PHLDB2: variants seen among roughly 807,000 people sequenced by gnomAD.
PHLDB2 encodes the protein pleckstrin homology-like domain family B member 2.
In PHLDB2, 71 loss-of-function variants were observed where a neutral mutation model predicts 123.6. The ratio of observed to expected loss-of-function variants is 0.57; its 90% CI spans 0.47 to 0.70. The LOEUF is 0.70. PHLDB2 is among the 30% of genes least tolerant of loss of function. The pLI is 0.00. For synonymous variants in PHLDB2, 547 were observed against 541.6 expected (o/e 1.01, Z -0.14); for missense variants, 1,446 against 1,519.5 (o/e 0.95, Z 0.80).
intron 1 of PHLDB2, among the ~76,000 whole-genome samples, chr3:111,758,256 C>T (rs933645999): frequency 1.3e-5 from 2 of 152,180 alleles, no homozygotes; most frequent in Admixed American, 1.3e-4. Flanking sequence ...GTGGGCTCCA[C>T]CCAGTTCGAG....
intron 3 of PHLDB2, 96 bp downstream of exon 3, chr3:111,913,798 A>C: frequency 7.2e-7 from 1 of 1,395,780 alleles, no homozygotes; most frequent in Middle Eastern, 1.9e-4. Flanking sequence ...CTAATTATCC[A>C]GGATGTTTTC....
intron 1 of PHLDB2, among the ~76,000 whole-genome samples, chr3:111,759,818 C>A (rs2059963526): frequency 6.6e-6 from 1 of 152,188 alleles, no homozygotes; most frequent in South Asian, 2.1e-4. Context: ...ATTTGAGTTT[C>A]TCTCTTTCCA....
At chr3:111,927,521 C>T (rs568787085) in intron 5 of PHLDB2, among the ~76,000 whole-genome samples, 17 of 152,240 alleles carry the variant, frequency 1.1e-4, no homozygotes, top group South Asian at 1.0e-3. Flanking sequence ...TTGGAAATTA[C>T]AAAAGTGGAT....
intron 1 of PHLDB2, among the ~76,000 whole-genome samples, chr3:111,841,769 T>C (rs2063710958): frequency 6.6e-6 from 1 of 152,202 alleles, no homozygotes; most frequent in African/African-American, 2.4e-5. Context: ...TATGAATGTG[T>C]TGATTCTGCA....
chr3:111,929,910 A>ATTT (rs34482002), intron 5 of PHLDB2, among the ~76,000 whole-genome samples: 3 of 123,052 alleles, frequency 2.4e-5, no homozygotes, highest in African/African-American at 5.7e-5. Flanking sequence ...TAAATATAAG[A>ATTT]TTTTTTTTTT....
intron 1 of PHLDB2, among the ~76,000 whole-genome samples, chr3:111,791,476 A>G (rs1435562091): frequency 1.3e-5 from 2 of 152,194 alleles, no homozygotes; most frequent in East Asian, 1.9e-4. Flanking sequence ...TGTATAGGCA[A>G]TTTGTCACGG....
At chr3:111,941,813 A>C (rs548254517) in intron 8 of PHLDB2, among the ~76,000 whole-genome samples, 2 of 118,580 alleles carry the variant, frequency 1.7e-5, no homozygotes, top group Non-Finnish European at 3.7e-5. Context: ...TCTCAAAAAA[A>C]CAAAACAAAA....
At chr3:111,764,612 T>C (rs2060048617) in intron 1 of PHLDB2, among the ~76,000 whole-genome samples, 2 of 152,220 alleles carry the variant, frequency 1.3e-5, no homozygotes. Context: ...ATCTTCAAGT[T>C]TCAATTTTCA....
chr3:111,906,441 A>C (rs1472641203), intron 2 of PHLDB2, among the ~76,000 whole-genome samples: 3 of 152,208 alleles, frequency 2.0e-5, no homozygotes, highest in Non-Finnish European at 4.4e-5. Flanking sequence ...TTCAGACCTA[A>C]GTGGTCTGGC....
intron 2 of PHLDB2, among the ~76,000 whole-genome samples, chr3:111,905,707 T>A (rs1328445168): frequency 6.6e-6 from 1 of 152,178 alleles, no homozygotes; most frequent in African/African-American, 2.4e-5. Context: ...AAGCTAGGGA[T>A]TCCTCAACAT....
intron 1 of PHLDB2, among the ~76,000 whole-genome samples, chr3:111,802,947 G>A (rs1212231700): frequency 2.6e-5 from 4 of 152,144 alleles, no homozygotes; most frequent in Admixed American, 2.0e-4. Flanking sequence ...ACTGGAAAAG[G>A]AAAAGCAGAA....
Position 111,945,321 on chromosome 3 carries a change from G to C in PHLDB2, c.2451G>C (p.Gly817=), listed in dbSNP as rs759910628. ...AGAAATACTCCAGCCTCTCTGGGGG[G>C]AAAGGGTTTCCCGTTAACCCCAATA... ...LEKKYSSLSG[G]KGFPVNPNTL... is the part of the protein sequence containing the mutation. The change falls in exon 9 of 18, where the codon GGG becomes GGC. Residue 817 remains glycine (G), a synonymous_variant. Coordinates refer to ENST00000431670, the MANE Select transcript of PHLDB2 (RefSeq NM_001134438.2). 1 of 1,610,652 alleles carries C rather than the reference G, an allele frequency of 6.2e-7. No individual in the cohort carries two copies. The highest frequency in any genetic ancestry group is 2.2e-5 in the East Asian group (1 of 44,846).
chr3:111,899,091 T>A (rs576772935), intron 2 of PHLDB2, among the ~76,000 whole-genome samples: 5 of 152,322 alleles, frequency 3.3e-5, no homozygotes, highest in Admixed American at 3.3e-4. Flanking sequence ...ATGGCAACTA[T>A]AGCCTTACAG....
At chr3:111,895,974 A>G (rs2066839250) in intron 2 of PHLDB2, among the ~76,000 whole-genome samples, 1 of 152,154 alleles carries the variant, frequency 6.6e-6, no homozygotes, top group African/African-American at 2.4e-5. Flanking sequence ...TTTGTTGTCA[A>G]ATTACTTAGT....
At chr3:111,955,817 T>G (rs1254934323) in intron 12 of PHLDB2, among the ~76,000 whole-genome samples, 1 of 152,176 alleles carries the variant, frequency 6.6e-6, no homozygotes, top group East Asian at 1.9e-4. Flanking sequence ...ACAAAGACCA[T>G]TAAGCATTTT....
Position 111,952,602 on chromosome 3 carries a change from CAG to C in PHLDB2, c.2663_2664del (p.Gln888ProfsTer2). ...TAGAAGTCTGGAAGAAAGGAAAAAA[CAG>C]CATAAAGAAGGCCTCTATCTGAGTG... The part of the protein sequence containing the change: ...HFRSLEERKK[Q>X]HKEGLYLSDT... On this transcript the variant is annotated frameshift_variant, in exon 11 of 18. Transcript: ENST00000431670. LOFTEE classifies it high-confidence loss of function. 6.2e-7 allele frequency: 1 copy of C among 1,612,902 alleles called. No individual in the cohort carries two copies. Among genetic ancestry groups the C allele is most frequent in the Non-Finnish European group, 8.5e-7 (1 of 1,179,624 alleles).
intron 1 of PHLDB2, among the ~76,000 whole-genome samples, chr3:111,772,955 C>G (rs1043662891): frequency 6.6e-6 from 1 of 152,300 alleles, no homozygotes; most frequent in Middle Eastern, 3.4e-3. Flanking sequence ...GCCAACAACT[C>G]CTCACCTATC....
chr3:111,962,148 A>G lies in PHLDB2; in HGVS notation c.2913A>G (p.Lys971=). The change falls in exon 13 of 18, where the codon AAA becomes AAG. Residue 971 remains lysine, a synonymous_variant. Transcript: ENST00000431670. ...HQQMSEGHRQ[K]SEFYNRTASE... The stretch of plus-strand genomic sequence containing the variant: ...AGATGAGTGAAGGACACAGGCAGAA[A>G]TCTGAATTTTATAACCGCACAGCAT... 1 of 1,583,008 alleles carries G rather than the reference A, an allele frequency of 6.3e-7. No individual in the cohort carries two copies. The highest frequency in any genetic ancestry group is 8.5e-7 in the Non-Finnish European group (1 of 1,171,598).
intron 5 of PHLDB2, among the ~76,000 whole-genome samples, chr3:111,923,060 C>G (rs973090652): frequency 6.6e-6 from 1 of 152,130 alleles, no homozygotes; most frequent in South Asian, 2.1e-4. Context: ...CGATAAGCTA[C>G]TACCTTATCT....
Sources: gnomAD v4.1 joint callset for allele counts (sites outside exome capture counted in the v4.1 genomes callset) on GRCh38, gnomAD v4.1.1 for gene constraint, MANE v1.5 for transcripts, NCBI Gene and HGNC (gene_info 2026-07-23, HGNC 2026-07-21) for gene names.